Variants in ZDHHC9 observed in about 807,000 individuals in gnomAD.
ZDHHC9 encodes the protein palmitoyltransferase ZDHHC9.
Under a neutral mutation model 26.6 loss-of-function variants are expected in ZDHHC9, and 3 were observed. The ratio of observed to expected loss-of-function variants is 0.11; its 90% CI spans 0.05 to 0.29. The LOEUF (loss-of-function observed/expected upper bound fraction) is 0.29, where lower values mean the gene tolerates loss of function less well. Ranked by LOEUF, ZDHHC9 falls within the 10% of genes least tolerant of loss-of-function variation. ZDHHC9 has a pLI of 1.00. For missense variants in ZDHHC9, 146 were observed against 296.4 expected (o/e 0.49, Z 3.73); for synonymous variants, 111 against 109.4 (o/e 1.01, Z -0.09).
intron 3 of ZDHHC9, among the ~76,000 whole-genome samples, chrX:129,841,013 A>C (rs1381354119): frequency 1.8e-5 from 2 of 110,441 alleles, no homozygotes; most frequent in African/African-American, 6.6e-5. Flanking sequence ...AACAATTAGC[A>C]ATGCTCCCAT....
At chrX:129,842,226 G>C in intron 2 of ZDHHC9, 146 bp from the exon 3 acceptor site, 1 of 385,909 alleles carries the variant, frequency 2.6e-6, no homozygotes, top group Non-Finnish European at 4.5e-6. Flanking sequence ...ATTCGTGTTT[G>C]TTCTCTAAAA....
intron 10 of ZDHHC9, among the ~76,000 whole-genome samples, chrX:129,809,398 G>A (rs1927586213): frequency 8.9e-6 from 1 of 112,122 alleles, no homozygotes; most frequent in Non-Finnish European, 1.9e-5. Flanking sequence ...AAGGAACGAA[G>A]TACTGCTACA....
intron 5 of ZDHHC9, among the ~76,000 whole-genome samples, chrX:129,818,048 T>C (rs150360534): frequency 0.012 from 1,338 of 111,875 alleles, 22 homozygotes; most frequent in African/African-American, 0.041. Context: ...GTAGCTGCAC[T>C]TGGAGGCAGA....
chrX:129,829,472 G>A, intron 3 of ZDHHC9, among the ~76,000 whole-genome samples: 1 of 111,983 alleles, frequency 8.9e-6, no homozygotes, highest in Non-Finnish European at 1.9e-5. Context: ...GAATAGGGAA[G>A]CAACTGAACC....
In ZDHHC9 at chrX:129,806,111, T is replaced by G; in HGVS notation, c.*259A>C. On this transcript the variant is annotated 3_prime_UTR_variant, in exon 11 of 11. Transcript: ENST00000357166. ...CAAGGGGACCCTGTGGCTGAGGCCA[T>G]GGAGAACCAGTGCCAGGGCCCAAGA... 2.7e-6 allele frequency: 1 copy of G among 375,959 alleles called. No homozygotes were observed. Among genetic ancestry groups the G allele is most frequent in the Non-Finnish European group, 4.7e-6 (1 of 212,789 alleles). The allele number at this position is 375,959 out of a possible 1,213,427, so 31.0% of individuals were successfully genotyped here.
At chrX:129,838,315 A>G in intron 3 of ZDHHC9, among the ~76,000 whole-genome samples, 1 of 111,667 alleles carries the variant, frequency 9.0e-6, no homozygotes, top group East Asian at 2.8e-4. Context: ...GGCTTAGTGA[A>G]TATTTGGCCA....
At chrX:129,840,611 C>T (rs1928358654) in intron 3 of ZDHHC9, among the ~76,000 whole-genome samples, 1 of 111,290 alleles carries the variant, frequency 9.0e-6, no homozygotes, top group Non-Finnish European at 1.9e-5. Context: ...GTAGCGGCGG[C>T]AGCAGCAAAA....
chrX:129,835,939 C>G (rs1404959070), intron 3 of ZDHHC9, among the ~76,000 whole-genome samples: 2 of 112,601 alleles, frequency 1.8e-5, no homozygotes, highest in Non-Finnish European at 3.7e-5. Flanking sequence ...AAAGAGGCAA[C>G]TATGCCTTTC....
intron 8 of ZDHHC9, among the ~76,000 whole-genome samples, 185 bp from the exon 9 acceptor site, chrX:129,811,694 G>A (rs1296516986): frequency 2.7e-5 from 3 of 111,555 alleles, no homozygotes; most frequent in African/African-American, 6.5e-5. Flanking sequence ...ACAATGTGAT[G>A]CCACTGAACT....
chrX:129,813,837 GCA>G, intron 6 of ZDHHC9, 112 bp from the exon 7 acceptor site: 4 of 706,139 alleles, frequency 5.7e-6, no homozygotes, highest in Non-Finnish European at 8.7e-6. Flanking sequence ...TTACACACTG[GCA>G]AGAGCTAAGC....
intron 3 of ZDHHC9, among the ~76,000 whole-genome samples, chrX:129,834,508 A>AATTTTCT (rs1928216309): frequency 8.9e-6 from 1 of 112,099 alleles, no homozygotes; most frequent in Non-Finnish European, 1.9e-5. Flanking sequence ...CTTTTGCTCC[A>AATTTTCT]GTAGCAATAA....
chrX:129,821,041 C>A (rs1177770176), intron 5 of ZDHHC9, among the ~76,000 whole-genome samples: 2 of 111,486 alleles, frequency 1.8e-5, no homozygotes, highest in Non-Finnish European at 3.8e-5. Context: ...TGAAAAAATG[C>A]TCAACATCAC....
intron 3 of ZDHHC9, among the ~76,000 whole-genome samples, chrX:129,839,605 G>A (rs1928335823): frequency 9.2e-6 from 1 of 108,371 alleles, no homozygotes; most frequent in African/African-American, 3.3e-5. Flanking sequence ...GAAAAAGGCC[G>A]ACCAGAAGGA....
chrX:129,814,722 G>A lies in ZDHHC9; in HGVS notation c.561C>T (p.Phe187=), dbSNP rs1328392655. ...GKRNYRYFYL[F]ILSLSLLTIY... ...TTGTGAGGAGGGAGAGAGAAAGGAT[G>A]AAGAGGTAGAAGTAGCGGTAGTTCC... Residue 187 remains phenylalanine (F), a synonymous_variant, in exon 6 of 11, where the codon TTC becomes TTT. Transcript: ENST00000357166. 1 of 1,208,768 alleles carries A rather than the reference G, an allele frequency of 8.3e-7. No individual in the cohort carries two copies. Among genetic ancestry groups the A allele is most frequent in the Admixed American group, 2.2e-5 (1 of 45,539 alleles).
Position 129,810,866 on chromosome X carries a change from C to T in ZDHHC9, c.978+39G>A, listed in dbSNP as rs748487359. The stretch of plus-strand genomic sequence containing the variant: ...TCCAAGCTGTAAATTAGCCTCCGCC[C>T]TCTCTATATCGACCCAGCCTTAAGT... On this transcript the variant is annotated intron_variant, in intron 10 of 10. Coordinates refer to ENST00000357166, the MANE Select transcript of ZDHHC9 (RefSeq NM_016032.4). 5.3e-6 allele frequency: 6 copies of T among 1,131,406 alleles called. No individual in the cohort carries two copies. The South Asian group carries it at 9.1e-5, about 17-fold the overall frequency. The allele number at this position is 1,131,406 out of a possible 1,213,427, so 93.2% of individuals were successfully genotyped here.
intron 8 of ZDHHC9, 84 bp from the exon 9 acceptor site, chrX:129,811,593 A>G (rs1220166890): frequency 1.5e-5 from 11 of 748,285 alleles, no homozygotes; most frequent in Non-Finnish European, 2.2e-5. Context: ...CAGACACAAA[A>G]AAGAAAAATA....
In ZDHHC9 at chrX:129,843,841, G is replaced by C. The variant is rs1928443979; in HGVS notation, c.-349C>G. 8.9e-6 allele frequency: 1 copy of C among 111,884 alleles called. No individual in the cohort carries two copies. The highest frequency in any genetic ancestry group is 1.9e-5 in the Non-Finnish European group (1 of 53,028). 9.2% of individuals were successfully genotyped at this position (111,884 alleles called of 1,213,427 possible). On this transcript the variant is annotated 5_prime_UTR_variant, in exon 1 of 11. Transcript: ENST00000357166. ...CTCCTGACAAGGGGCCCCAGTGGTCGGGGCCCTAAACCAGCTGTGGCAACC... is the reference window on the plus strand; with the variant it reads ...CTCCTGACAAGGGGCCCCAGTGGTCCGGGCCCTAAACCAGCTGTGGCAACC...
chrX:129,829,971 C>T (rs959634025), intron 3 of ZDHHC9, among the ~76,000 whole-genome samples: 6 of 111,694 alleles, frequency 5.4e-5, no homozygotes, highest in Admixed American at 9.6e-5. Context: ...TCTTCATCTA[C>T]ATTATCCCAT....
chrX:129,814,686 G>A lies in ZDHHC9; in HGVS notation c.597C>T (p.Phe199=), dbSNP rs887261815. Residue 199 remains phenylalanine (F), a synonymous_variant, in exon 6 of 11, where the codon TTC becomes TTT. Coordinates refer to ENST00000357166, the MANE Select transcript of ZDHHC9 (RefSeq NM_016032.4). ...LSLSLLTIYV[F]AFNIVYVALK... is the part of the protein sequence containing the mutation. ...GGGCCACATAGACGATGTTGAAGGC[G>A]AAGACATAGATTGTGAGGAGGGAGA... The A allele has an allele frequency of 8.3e-7, 1 of 1,211,327 alleles. No homozygotes were observed. Among genetic ancestry groups the A allele is most frequent in the Non-Finnish European group, 1.1e-6 (1 of 895,399 alleles).
Sources: gnomAD v4.1 joint callset for allele counts (sites outside exome capture counted in the v4.1 genomes callset) on GRCh38, gnomAD v4.1.1 for gene constraint, MANE v1.5 for transcripts, NCBI Gene and HGNC (gene_info 2026-07-23, HGNC 2026-07-21) for gene names.